ZNF804B: variants seen among roughly 807,000 people sequenced by gnomAD.
ZNF804B encodes zinc finger 804B.
A neutral mutation model predicts 101.4 loss-of-function variants in ZNF804B; 80 were observed. The observed-to-expected ratio is 0.79, with a 90% CI of 0.66 to 0.95. ZNF804B has a LOEUF of 0.95. ZNF804B is among the 40% of genes least tolerant of loss of function. The pLI is 0.00. For missense variants in ZNF804B, 1,673 were observed against 1,561.9 expected, an observed-to-expected ratio of 1.07 and a Z score of -1.20; for synonymous variants, 622 against 558.8, an observed-to-expected ratio of 1.11 and a Z score of -1.59.
chr7:89,302,406 T>G (rs906416218), intron 2 of ZNF804B, among the ~76,000 whole-genome samples: 2 of 151,816 alleles, frequency 1.3e-5, no homozygotes, highest in Non-Finnish European at 2.9e-5. Context: ...CCTCCATTAC[T>G]TAGAAATCAG....
In ZNF804B at chr7:88,871,545, ATACTT is replaced by A. The variant is rs547225900; in HGVS notation, c.108+111464_108+111468del. On this transcript the variant is annotated intron_variant, in intron 1 of 3. Transcript: ENST00000333190. ...ATACTAATAAGAGAATAATTACACT[ATACTT>A]TAGTGGAACTGAGCAAAATGTAAAT... Among the ~76,000 whole-genome samples, 170 of 152,312 alleles carry A rather than the reference ATACTT, an allele frequency of 1.1e-3. 1 individual carries two copies. The highest frequency in any genetic ancestry group is 2.0e-3 in the Non-Finnish European group (133 of 68,014).
At chr7:89,082,013 A>G (rs2116313738) in intron 1 of ZNF804B, among the ~76,000 whole-genome samples, 1 of 151,892 alleles carries the variant, frequency 6.6e-6, no homozygotes, top group East Asian at 1.9e-4. Context: ...TTGATAGGAT[A>G]TGAAGTAAAT....
chr7:88,761,887 C>T (rs1434972901), intron 1 of ZNF804B, among the ~76,000 whole-genome samples: 1 of 152,162 alleles, frequency 6.6e-6, no homozygotes, highest in African/African-American at 2.4e-5. Flanking sequence ...TCCTTTCTCT[C>T]CCACTTTGGT....
At chr7:88,937,327 A>C (rs1792987913) in intron 1 of ZNF804B, among the ~76,000 whole-genome samples, 1 of 152,076 alleles carries the variant, frequency 6.6e-6, no homozygotes, top group Admixed American at 6.6e-5. Context: ...GAAATACTTC[A>C]TCTCAAACAA....
intron 1 of ZNF804B, among the ~76,000 whole-genome samples, chr7:88,807,370 G>C (rs1790707395): frequency 6.6e-6 from 1 of 152,270 alleles, no homozygotes; most frequent in Admixed American, 6.5e-5. Flanking sequence ...GAAGAATTTT[G>C]TATGGGTAGG....
Position 89,335,599 on chromosome 7 carries a change from G to A in ZNF804B, c.2617G>A (p.Glu873Lys). ...CTTGAATAAAAGCAAGAGAAATCAA[G>A]AGTCTTTGGGCAGCCCTCACATTTG... Reference protein sequence around the residue: ...YYLNKSKRNQESLGSPHICDL... With the variant: ...YYLNKSKRNQKSLGSPHICDL... The change falls in exon 4 of 4, where the codon GAG becomes AAG. Residue 873 changes from glutamate to lysine, a missense_variant. By Grantham distance (56) the Glu-to-Lys change is moderately conservative. Coordinates refer to ENST00000333190, the MANE Select transcript of ZNF804B (RefSeq NM_181646.5). 6.2e-7 allele frequency: 1 copy of A among 1,613,896 alleles called. No individual in the cohort carries two copies. Among genetic ancestry groups the A allele is most frequent in the Non-Finnish European group, 8.5e-7 (1 of 1,179,948 alleles).
chr7:89,105,035 T>G (rs1479665104), intron 1 of ZNF804B, among the ~76,000 whole-genome samples: 1 of 152,154 alleles, frequency 6.6e-6, no homozygotes, highest in Non-Finnish European at 1.5e-5. Flanking sequence ...ATCTAAAGAA[T>G]GGAACAATTC....
intron 1 of ZNF804B, among the ~76,000 whole-genome samples, chr7:88,805,967 T>TG (rs1268242599): frequency 6.6e-6 from 1 of 151,936 alleles, no homozygotes; most frequent in Non-Finnish European, 1.5e-5. Context: ...TTTGTGCTTT[T>TG]TTTTTTTTTT....
At chr7:89,022,765 G>A (rs1011186483) in intron 1 of ZNF804B, among the ~76,000 whole-genome samples, 1 of 152,264 alleles carries the variant, frequency 6.6e-6, no homozygotes, top group Admixed American at 6.5e-5. Context: ...GAGAACATGA[G>A]CTATCACATG....
rs1231897086 is a variant in ZNF804B at position 89,336,847 on chromosome 7, A to T, written c.3865A>T (p.Thr1289Ser). The T allele has an allele frequency of 1.2e-6, 2 of 1,613,836 alleles. No homozygotes were observed. Among genetic ancestry groups the T allele is most frequent in the African/African-American group, 1.3e-5 (1 of 74,860 alleles). The change falls in exon 4 of 4, where the codon ACA becomes TCA. Residue 1289 changes from threonine (T) to serine (S), a missense_variant. By Grantham distance (58) the Thr-to-Ser change is moderately conservative. Coordinates refer to ENST00000333190, the MANE Select transcript of ZNF804B (RefSeq NM_181646.5). ...CATAACACTTCAGCCTCTGCCCCCT[A>T]CAGCATTTATTCCTACATTGTTTGG... ...SHITLQPLPPTAFIPTLFGPH... is the reference protein window; with the variant it reads ...SHITLQPLPPSAFIPTLFGPH...
intron 1 of ZNF804B, among the ~76,000 whole-genome samples, chr7:89,031,992 G>T (rs1035330976): frequency 2.8e-4 from 43 of 151,526 alleles, no homozygotes; most frequent in African/African-American, 9.7e-4. Flanking sequence ...GATACAACCT[G>T]TTCAGTGGCT....
intron 1 of ZNF804B, among the ~76,000 whole-genome samples, chr7:88,782,502 C>T (rs978259116): frequency 6.6e-6 from 1 of 151,748 alleles, no homozygotes; most frequent in African/African-American, 2.4e-5. Flanking sequence ...CTAATATCTC[C>T]ACCTCTATAT....
chr7:89,203,037 A>G (rs1788668209), intron 1 of ZNF804B, among the ~76,000 whole-genome samples: 1 of 152,064 alleles, frequency 6.6e-6, no homozygotes, highest in Admixed American at 6.6e-5. Flanking sequence ...ACACATGTAC[A>G]TACTCACACA....
intron 1 of ZNF804B, among the ~76,000 whole-genome samples, chr7:89,064,608 T>C (rs1789426718): frequency 6.6e-6 from 1 of 152,180 alleles, no homozygotes; most frequent in African/African-American, 2.4e-5. Flanking sequence ...AAAATCCTGA[T>C]CCTTTCCCCC....
chr7:88,889,744 A>G (rs956347775), intron 1 of ZNF804B, among the ~76,000 whole-genome samples: 2 of 152,106 alleles, frequency 1.3e-5, no homozygotes, highest in African/African-American at 2.4e-5. Flanking sequence ...TACTCAGTTG[A>G]TAGTTTCTTT....
At chr7:89,311,656 T>A (rs1790652200) in intron 2 of ZNF804B, among the ~76,000 whole-genome samples, 1 of 152,216 alleles carries the variant, frequency 6.6e-6, no homozygotes. Flanking sequence ...ACATGTATGT[T>A]CTTATCATGC....
At chr7:88,996,633 G>A (rs1788202097) in intron 1 of ZNF804B, among the ~76,000 whole-genome samples, 1 of 152,044 alleles carries the variant, frequency 6.6e-6, no homozygotes, top group Non-Finnish European at 1.5e-5. Context: ...ATTTAAATTG[G>A]CAAGTGTTTA....
chr7:89,153,398 C>A (rs1004740663), intron 1 of ZNF804B, among the ~76,000 whole-genome samples: 1 of 148,770 alleles, frequency 6.7e-6, no homozygotes, highest in African/African-American at 2.5e-5. Context: ...GATGCTGGTA[C>A]TTTAACACTA....
chr7:88,934,952 A>G (rs1792944138), intron 1 of ZNF804B, among the ~76,000 whole-genome samples: 1 of 151,928 alleles, frequency 6.6e-6, no homozygotes, highest in African/African-American at 2.4e-5. Context: ...CACAATTCAT[A>G]ATTGCAAAGA....
Sources: allele counts gnomAD v4.1 joint callset (sites outside exome capture counted in the v4.1 genomes callset), GRCh38; gene constraint gnomAD v4.1.1; transcripts MANE v1.5; gene names NCBI Gene and HGNC (gene_info 2026-07-23, HGNC 2026-07-21).